ELMO1: variants seen among roughly 807,000 people sequenced by gnomAD.
ELMO1 encodes engulfment and cell motility protein 1.
A neutral mutation model predicts 98.9 loss-of-function variants in ELMO1; 26 were observed. The ratio of observed to expected loss-of-function variants is 0.26; its 90% CI spans 0.19 to 0.36. The LOEUF (loss-of-function observed/expected upper bound fraction) is 0.36, where lower values mean the gene tolerates loss of function less well. Ranked by LOEUF, ELMO1 falls within the 10% of genes least tolerant of loss-of-function variation. ELMO1 has a pLI of 1.00. For missense variants in ELMO1, 627 were observed against 935.2 expected, an observed-to-expected ratio of 0.67 and a Z score of 4.30; for synonymous variants, 346 against 346.0, an observed-to-expected ratio of 1.00 and a Z score of 0.00.
At chr7:36,986,248 A>C in intron 16 of ELMO1, 1 of 985,428 alleles carries the variant, frequency 1.0e-6, no homozygotes, top group South Asian at 4.7e-5. Context: ...ATTTCAGGGA[A>C]ACTCCTGCTC....
chr7:37,096,819 T>A, intron 14 of ELMO1, 92 bp from the exon 15 acceptor site: 1 of 1,168,474 alleles, frequency 8.6e-7, no homozygotes, highest in Admixed American at 1.8e-5. Context: ...AATACATAGA[T>A]CCACTTCAGA....
chr7:36,877,948 A>C, intron 19 of ELMO1, 62 bp downstream of exon 19: 1 of 1,272,940 alleles, frequency 7.9e-7, no homozygotes. Flanking sequence ...TGCGTGATAT[A>C]TTGTGACTAG....
intron 1 of ELMO1, among the ~76,000 whole-genome samples, chr7:37,388,389 A>G (rs1802906931): frequency 6.8e-6 from 1 of 146,878 alleles, no homozygotes; most frequent in Non-Finnish European, 1.5e-5. Context: ...TAATCCTGAC[A>G]TTTATTACAC....
chr7:37,303,974 T>C (rs1394523212), intron 4 of ELMO1, among the ~76,000 whole-genome samples: 1 of 152,212 alleles, frequency 6.6e-6, no homozygotes, highest in Non-Finnish European at 1.5e-5. Context: ...TGAGTAATGC[T>C]GGTGGCGGTC....
At chr7:37,183,195 G>C (rs1324591529) in intron 13 of ELMO1, among the ~76,000 whole-genome samples, 1 of 150,824 alleles carries the variant, frequency 6.6e-6, no homozygotes, top group Non-Finnish European at 1.5e-5. Flanking sequence ...ATCTGGCACA[G>C]AAGGAGAAGG....
At chr7:37,195,806 C>T (rs1791930272) in intron 13 of ELMO1, among the ~76,000 whole-genome samples, 1 of 152,198 alleles carries the variant, frequency 6.6e-6, no homozygotes, top group African/African-American at 2.4e-5. Flanking sequence ...TTTCCCTTTG[C>T]CCTAATGCTC....
intron 17 of ELMO1, among the ~76,000 whole-genome samples, chr7:36,893,131 G>A (rs1360251590): frequency 6.6e-6 from 1 of 152,146 alleles, no homozygotes; most frequent in South Asian, 2.1e-4. Context: ...TGGCTTTAAC[G>A]GAAGTGATTC....
At chr7:37,160,600 T>C (rs539534295) in intron 13 of ELMO1, among the ~76,000 whole-genome samples, 1 of 152,224 alleles carries the variant, frequency 6.6e-6, no homozygotes, top group African/African-American at 2.4e-5. Flanking sequence ...CTTCTCTGAG[T>C]GGCCCTTTAT....
chr7:37,265,748 G>GT (rs150060171), intron 5 of ELMO1, among the ~76,000 whole-genome samples: 1,652 of 152,166 alleles, frequency 0.011, 73 homozygotes, highest in East Asian at 0.1. Flanking sequence ...CCTTAAGAGT[G>GT]TCCCCAGGGG....
chr7:37,069,595 T>C (rs1002674609), intron 15 of ELMO1, among the ~76,000 whole-genome samples: 1 of 152,188 alleles, frequency 6.6e-6, no homozygotes, highest in Non-Finnish European at 1.5e-5. Flanking sequence ...ATTTCTAAAG[T>C]CTCACATCTC....
At chr7:36,887,535 T>G in intron 18 of ELMO1, 25 bp downstream of exon 18, 1 of 1,611,040 alleles carries the variant, frequency 6.2e-7, no homozygotes, top group Non-Finnish European at 8.5e-7. Context: ...CCTATCCAAG[T>G]TTGGAGTGTC....
chr7:36,861,446 T>G (rs998883842), intron 21 of ELMO1, among the ~76,000 whole-genome samples: 47 of 152,150 alleles, frequency 3.1e-4, no homozygotes, highest in Non-Finnish European at 5.9e-5. Flanking sequence ...TCCTTTTTCT[T>G]TACCATGAAC....
At chr7:37,107,187 C>G (rs1784999046) in intron 14 of ELMO1, among the ~76,000 whole-genome samples, 1 of 152,196 alleles carries the variant, frequency 6.6e-6, no homozygotes, top group Non-Finnish European at 1.5e-5. Context: ...GTCTTGCAAT[C>G]TACTTGGAAG....
chr7:37,248,625 G>T (rs1459070731), intron 6 of ELMO1, among the ~76,000 whole-genome samples: 2 of 152,230 alleles, frequency 1.3e-5, no homozygotes, highest in Non-Finnish European at 2.9e-5. Flanking sequence ...GAAAGCCTTG[G>T]GAAGATGTGG....
At chr7:36,867,202 A>G (rs1803099098) in intron 20 of ELMO1, among the ~76,000 whole-genome samples, 3 of 152,280 alleles carry the variant, frequency 2.0e-5, no homozygotes, top group South Asian at 4.1e-4. Flanking sequence ...CTGTCCATCC[A>G]TCATCCATCT....
At chr7:37,184,894 T>C (rs2130053827) in intron 13 of ELMO1, among the ~76,000 whole-genome samples, 1 of 151,944 alleles carries the variant, frequency 6.6e-6, no homozygotes, top group South Asian at 2.1e-4. Context: ...TGAGACCCCG[T>C]CTCAAAAGAA....
At chr7:36,897,332 G>GTGTGTGTGTGTGTGTGTGTGTGTGTGTA (rs1806103979) in intron 16 of ELMO1, among the ~76,000 whole-genome samples, 1 of 141,166 alleles carries the variant, frequency 7.1e-6, no homozygotes, top group East Asian at 2.0e-4. Flanking sequence ...AGACGTGTGT[G>GTGTGTGTGTGTGTGTGTGTGTGTGTGTA]TGTGTGTGTG....
chr7:37,362,709 CTT>C (rs1371682978), intron 1 of ELMO1, among the ~76,000 whole-genome samples: 1 of 152,206 alleles, frequency 6.6e-6, no homozygotes, highest in Non-Finnish European at 1.5e-5. Flanking sequence ...AAACTGAACT[CTT>C]TCCTCCAGAA....
At chr7:37,177,098 G>A (rs1790538283) in intron 13 of ELMO1, among the ~76,000 whole-genome samples, 1 of 152,162 alleles carries the variant, frequency 6.6e-6, no homozygotes, top group Non-Finnish European at 1.5e-5. Flanking sequence ...AGAGCTTCAA[G>A]GAATTAAAGA....
Sources: allele counts gnomAD v4.1 joint callset (sites outside exome capture counted in the v4.1 genomes callset), GRCh38; gene constraint gnomAD v4.1.1; transcripts MANE v1.5; gene names NCBI Gene and HGNC (gene_info 2026-07-23, HGNC 2026-07-21).